Variants in TIAM2 observed in about 807,000 individuals in gnomAD.
The protein encoded by TIAM2 is rho guanine nucleotide exchange factor TIAM2.
Under a neutral mutation model 152.9 loss-of-function variants are expected in TIAM2, and 80 were observed. The ratio of observed to expected loss-of-function variants is 0.52; its 90% confidence interval spans 0.44 to 0.63. TIAM2 has a LOEUF of 0.63. Ranked by LOEUF, TIAM2 falls within the 30% of genes least tolerant of loss-of-function variation. The probability of loss-of-function intolerance (pLI) is 0.00; values close to 1 mark genes in which losing one functional copy is unlikely to be tolerated. For missense variants in TIAM2, 1,965 were observed against 2,120.1 expected (o/e 0.93, Z 1.44); for synonymous variants, 804 against 838.0 (o/e 0.96, Z 0.70).
intron 1 of TIAM2, chr6:155,016,393 T>C: frequency 6.6e-6 from 1 of 152,274 alleles, no homozygotes; most frequent in Middle Eastern, 3.4e-3. Flanking sequence ...ATCCCATTTT[T>C]GTAGAACATA....
At chr6:155,117,888 T>G (rs1231829375) in intron 2 of TIAM2, among the ~76,000 whole-genome samples, 1 of 152,232 alleles carries the variant, frequency 6.6e-6, no homozygotes, top group African/African-American at 2.4e-5. Context: ...CAGTGCTCCG[T>G]GTATAGGAGA....
intron 1 of TIAM2, among the ~76,000 whole-genome samples, chr6:155,042,339 C>G (rs558594961): frequency 1.3e-5 from 2 of 151,992 alleles, no homozygotes; most frequent in Non-Finnish European, 2.9e-5. Flanking sequence ...GGGCTGGGCA[C>G]GGTGGCTCTT....
rs192391019 is a variant in TIAM2, at chr6:155,244,832, C to T, written c.3543+49C>T. 6.7e-4 allele frequency: 1,034 copies of T among 1,543,594 alleles called. 2 individuals carry two copies. Among genetic ancestry groups the T allele is most frequent in the South Asian group, 2.3e-3 (185 of 79,962 alleles). ...AAAGTAAAAATACGTGGCTATGGTA[C>T]GTATTTCTCTCATGAGAATTCTCTC... On this transcript the variant is annotated intron_variant, in intron 18 of 26. Transcript: ENST00000682666.
At chr6:155,238,095 A>G (rs1782864837) in intron 15 of TIAM2, among the ~76,000 whole-genome samples, 3 of 152,214 alleles carry the variant, frequency 2.0e-5, no homozygotes, top group Admixed American at 1.3e-4. Context: ...CACATCTTGA[A>G]TGCTTTGCTG....
intron 14 of TIAM2, among the ~76,000 whole-genome samples, chr6:155,188,979 C>T (rs771907870): frequency 6.6e-6 from 1 of 152,156 alleles, no homozygotes; most frequent in Non-Finnish European, 1.5e-5. Flanking sequence ...TTTTTTTAGC[C>T]TCCACGCCCC....
chr6:155,101,321 C>T (rs770116423), intron 2 of TIAM2, among the ~76,000 whole-genome samples: 2 of 152,108 alleles, frequency 1.3e-5, no homozygotes, highest in Non-Finnish European at 2.9e-5. Flanking sequence ...CTTCAGCCTA[C>T]GTTATTCAAA....
chr6:155,082,624 T>C (rs1488172002), intron 1 of TIAM2, among the ~76,000 whole-genome samples: 3 of 150,588 alleles, frequency 2.0e-5, no homozygotes, highest in Non-Finnish European at 4.4e-5. Flanking sequence ...CACTCCGGCC[T>C]GGGCAACAAG....
At chr6:155,188,406 G>A (rs1781107978) in intron 14 of TIAM2, among the ~76,000 whole-genome samples, 1 of 152,204 alleles carries the variant, frequency 6.6e-6, no homozygotes, top group Non-Finnish European at 1.5e-5. Context: ...TTCCTCTGTT[G>A]CCTACAAAAT....
At chr6:155,082,833 C>T (rs980639449) in intron 1 of TIAM2, among the ~76,000 whole-genome samples, 1 of 151,932 alleles carries the variant, frequency 6.6e-6, no homozygotes, top group South Asian at 2.1e-4. Context: ...ATACTTGGAG[C>T]TTTTATTGGT....
Position 155,029,034 on chromosome 6 carries a change from A to T in TIAM2, c.-209+33542A>T, listed in dbSNP as rs968444119. Among the ~76,000 whole-genome samples, 2 of 130,698 alleles carry T rather than the reference A, an allele frequency of 1.5e-5. 1 individual carries two copies. Among genetic ancestry groups the T allele is most frequent in the African/African-American group, 5.7e-5 (2 of 34,904 alleles). The allele number at this position is 130,698 out of a possible 152,430, so 85.7% of individuals were successfully genotyped here. ...ACTATGTTATATATACACTGTATAT[A>T]CTATATATACTATGTTATATATACA... On this transcript the variant is annotated intron_variant, in intron 1 of 26. Transcript: ENST00000682666.
At chr6:155,009,820 G>A (rs1562288727) in intron 1 of TIAM2, among the ~76,000 whole-genome samples, 1 of 151,956 alleles carries the variant, frequency 6.6e-6, no homozygotes, top group African/African-American at 2.4e-5. Context: ...AAGGTCCCTC[G>A]CACCCATAGC....
chr6:155,223,817 C>A (rs1782145894), intron 15 of TIAM2, among the ~76,000 whole-genome samples: 1 of 152,158 alleles, frequency 6.6e-6, no homozygotes, highest in African/African-American at 2.4e-5. Context: ...TGTTCCCCGG[C>A]AAGGGCGTTG....
intron 1 of TIAM2, among the ~76,000 whole-genome samples, chr6:155,080,788 A>G (rs1778045376): frequency 1.3e-5 from 2 of 152,144 alleles, no homozygotes; most frequent in Admixed American, 1.3e-4. Context: ...AGTTACCCAG[A>G]AAGTACAGTT....
chr6:155,155,514 G>A (rs551470416), intron 7 of TIAM2, among the ~76,000 whole-genome samples: 3 of 152,152 alleles, frequency 2.0e-5, no homozygotes, highest in African/African-American at 4.8e-5. Context: ...TTTCTCTGTC[G>A]CCCAGGCTGG....
chr6:155,124,399 C>T (rs559555863), intron 2 of TIAM2, among the ~76,000 whole-genome samples: 50 of 152,078 alleles, frequency 3.3e-4, no homozygotes, highest in African/African-American at 1.2e-3. Flanking sequence ...GGCACAATCT[C>T]GGCTCACCGC....
intron 15 of TIAM2, among the ~76,000 whole-genome samples, chr6:155,226,405 C>G (rs1313152205): frequency 6.6e-6 from 1 of 152,164 alleles, no homozygotes; most frequent in African/African-American, 2.4e-5. Context: ...TGTGGTGGCT[C>G]ACGCCTGTAA....
chr6:154,996,497 A>G (rs748387619), intron 1 of TIAM2, among the ~76,000 whole-genome samples: 1 of 152,198 alleles, frequency 6.6e-6, no homozygotes. Context: ...GGTTATTCAC[A>G]CATTCTACCT....
chr6:155,239,132 G>C (rs772901436), intron 15 of TIAM2, among the ~76,000 whole-genome samples: 2 of 152,200 alleles, frequency 1.3e-5, no homozygotes, highest in Non-Finnish European at 2.9e-5. Context: ...AATGAATTAT[G>C]TGAATATTAA....
At chr6:155,063,765 G>C (rs969099596) in intron 1 of TIAM2, among the ~76,000 whole-genome samples, 4 of 130,026 alleles carry the variant, frequency 3.1e-5, no homozygotes, top group Admixed American at 1.7e-4. Flanking sequence ...CTGGGCAACA[G>C]AGTGAGACTC....
Sources: allele counts gnomAD v4.1 joint callset (sites outside exome capture counted in the v4.1 genomes callset), GRCh38; gene constraint gnomAD v4.1.1; transcripts MANE v1.5; gene names NCBI Gene and HGNC (gene_info 2026-07-23, HGNC 2026-07-21).